HS3ST4: variants seen among roughly 807,000 people sequenced by gnomAD.
The protein encoded by HS3ST4 is heparan sulfate glucosamine 3-O-sulfotransferase 4.
Under a neutral mutation model 29.2 loss-of-function variants are expected in HS3ST4, and 17 were observed. The observed-to-expected ratio is 0.58, with a 90% CI of 0.40 to 0.87. The LOEUF (loss-of-function observed/expected upper bound fraction) is 0.87, where lower values mean the gene tolerates loss of function less well. Ranked by LOEUF, HS3ST4 falls within the 40% of genes least tolerant of loss-of-function variation. The probability of loss-of-function intolerance (pLI) is 0.00; values close to 1 mark genes in which losing one functional copy is unlikely to be tolerated. For missense variants in HS3ST4, 627 were observed against 634.5 expected (o/e 0.99, Z 0.13); for synonymous variants, 314 against 285.7 (o/e 1.10, Z -1.00).
intron 1 of HS3ST4, among the ~76,000 whole-genome samples, chr16:25,872,977 A>C (rs1490865540): frequency 6.6e-6 from 1 of 152,064 alleles, no homozygotes; most frequent in East Asian, 1.9e-4. Context: ...TCTCAGTTGA[A>C]GTCTCTGGCT....
chr16:25,790,007 A>T (rs1169881219), intron 1 of HS3ST4, among the ~76,000 whole-genome samples: 1 of 152,212 alleles, frequency 6.6e-6, no homozygotes, highest in Non-Finnish European at 1.5e-5. Flanking sequence ...TGGCTATTAT[A>T]AACAGTGCTG....
intron 1 of HS3ST4, among the ~76,000 whole-genome samples, chr16:26,132,328 T>G (rs1899430756): frequency 6.6e-6 from 1 of 152,178 alleles, no homozygotes; most frequent in Non-Finnish European, 1.5e-5. Flanking sequence ...CATGCCACAT[T>G]GGTTGAATCA....
At chr16:25,800,151 T>C in intron 1 of HS3ST4, among the ~76,000 whole-genome samples, 1 of 151,890 alleles carries the variant, frequency 6.6e-6, no homozygotes, top group Non-Finnish European at 1.5e-5. Context: ...CCCTAGATCA[T>C]TGACTCCATT....
chr16:26,010,059 C>CT (rs2141739038), intron 1 of HS3ST4, among the ~76,000 whole-genome samples: 1 of 152,286 alleles, frequency 6.6e-6, no homozygotes, highest in Admixed American at 6.5e-5. Context: ...AGGCCTAAGT[C>CT]TAAGCAATAA....
intron 1 of HS3ST4, among the ~76,000 whole-genome samples, chr16:25,832,801 C>G (rs1010525533): frequency 9.9e-5 from 15 of 152,208 alleles, no homozygotes; most frequent in Middle Eastern, 6.8e-3. Flanking sequence ...TAAAATTTTG[C>G]TGACTGTATT....
At chr16:25,715,915 C>A (rs576606546) in intron 1 of HS3ST4, among the ~76,000 whole-genome samples, 1 of 152,156 alleles carries the variant, frequency 6.6e-6, no homozygotes, top group Non-Finnish European at 1.5e-5. Context: ...AGCAATTCCC[C>A]CTATAGTCAT....
intron 1 of HS3ST4, among the ~76,000 whole-genome samples, chr16:26,029,986 G>C (rs973465629): frequency 6.6e-6 from 1 of 152,168 alleles, no homozygotes; most frequent in African/African-American, 2.4e-5. Flanking sequence ...CAAATTCTTA[G>C]TCCCCCCATC....
chr16:26,123,200 C>T (rs1352716749), intron 1 of HS3ST4, among the ~76,000 whole-genome samples: 5 of 152,132 alleles, frequency 3.3e-5, no homozygotes, highest in African/African-American at 1.2e-4. Flanking sequence ...TGCCAAGATG[C>T]CTGATATCTT....
intron 1 of HS3ST4, among the ~76,000 whole-genome samples, chr16:25,775,706 C>T (rs1434932624): frequency 6.6e-6 from 1 of 152,214 alleles, no homozygotes; most frequent in Non-Finnish European, 1.5e-5. Flanking sequence ...CAATGGCAAA[C>T]TCCTACTTAT....
intron 1 of HS3ST4, among the ~76,000 whole-genome samples, chr16:25,699,850 A>G (rs1966323108): frequency 6.6e-6 from 1 of 152,174 alleles, no homozygotes; most frequent in Non-Finnish European, 1.5e-5. Context: ...CCCGCTGCCA[A>G]AGGATTACGT....
At chr16:25,890,893 G>T (rs1043137951) in intron 1 of HS3ST4, among the ~76,000 whole-genome samples, 1 of 152,146 alleles carries the variant, frequency 6.6e-6, no homozygotes, top group Non-Finnish European at 1.5e-5. Flanking sequence ...AATGAAGAAG[G>T]CGGATCAGCT....
At chr16:25,940,894 A>G (rs926174994) in intron 1 of HS3ST4, among the ~76,000 whole-genome samples, 1 of 152,170 alleles carries the variant, frequency 6.6e-6, no homozygotes, top group African/African-American at 2.4e-5. Flanking sequence ...CTGAACTTTA[A>G]CTGGAAAATC....
chr16:25,963,030 G>T (rs905630860), intron 1 of HS3ST4, among the ~76,000 whole-genome samples: 4 of 152,088 alleles, frequency 2.6e-5, no homozygotes, highest in Admixed American at 2.0e-4. Context: ...AGAATGCCAG[G>T]GTTAAATTCT....
chr16:25,931,060 A>T (rs1376405186), intron 1 of HS3ST4, among the ~76,000 whole-genome samples: 8 of 152,218 alleles, frequency 5.3e-5, no homozygotes, highest in African/African-American at 1.9e-4. Flanking sequence ...GGTGTGAGCA[A>T]CTGTGCCCAA....
At chr16:25,992,821 C>A (rs191166384) in intron 1 of HS3ST4, among the ~76,000 whole-genome samples, 1 of 152,326 alleles carries the variant, frequency 6.6e-6, no homozygotes, top group East Asian at 1.9e-4. Context: ...GAAAAAATAA[C>A]CCCAAGCCAC....
intron 1 of HS3ST4, among the ~76,000 whole-genome samples, chr16:25,736,957 T>G (rs1036535859): frequency 2.0e-5 from 3 of 152,302 alleles, no homozygotes; most frequent in East Asian, 3.9e-4. Flanking sequence ...CAAGGGATTC[T>G]TCTGCTTTAG....
At chr16:25,840,439 TAA>T (rs1967401180) in intron 1 of HS3ST4, among the ~76,000 whole-genome samples, 1 of 152,214 alleles carries the variant, frequency 6.6e-6, no homozygotes, top group Non-Finnish European at 1.5e-5. Flanking sequence ...TTCAATAGGT[TAA>T]GTTAAATAAC....
At chr16:26,034,300 G>A (rs1209283118) in intron 1 of HS3ST4, among the ~76,000 whole-genome samples, 1 of 152,148 alleles carries the variant, frequency 6.6e-6, no homozygotes, top group African/African-American at 2.4e-5. Flanking sequence ...TGTAAGTGTG[G>A]ATGCCTGAAT....
intron 1 of HS3ST4, among the ~76,000 whole-genome samples, chr16:25,749,831 G>A (rs529804643): frequency 2.0e-5 from 3 of 152,258 alleles, no homozygotes; most frequent in Admixed American, 2.0e-4. Context: ...TTATGTGGTA[G>A]ATATTATTAG....
Sources: allele counts gnomAD v4.1 joint callset (sites outside exome capture counted in the v4.1 genomes callset), GRCh38; gene constraint gnomAD v4.1.1; transcripts MANE v1.5; gene names NCBI Gene and HGNC (gene_info 2026-07-23, HGNC 2026-07-21).